Variants in FBXW8 observed in about 807,000 individuals in gnomAD.
FBXW8 encodes F-box and WD repeat domain containing 8.
A neutral mutation model predicts 65.3 loss-of-function variants in FBXW8; 57 were observed. That is an observed-to-expected ratio of 0.87 (90% CI 0.71 to 1.09). The LOEUF is 1.09. Among genes scored for constraint, FBXW8 ranks in the 50% least tolerant of loss-of-function variants. The pLI is 0.00. For missense variants in FBXW8, 777 were observed against 814.8 expected (o/e 0.95, Z 0.57); for synonymous variants, 308 against 330.2 (o/e 0.93, Z 0.73).
rs76328696 is a variant in FBXW8, at chr12:116,983,142, T to G, written c.836-2064T>G. On this transcript the variant is annotated intron_variant, in intron 5 of 10. Coordinates refer to ENST00000652555, the MANE Select transcript of FBXW8 (RefSeq NM_153348.3). ...TATGCAAATGGGAGTTTTTTTTCTC[T>G]TTACTGTTGTGATGTCTCAAAACAA... Among the ~76,000 whole-genome samples the G allele has an allele frequency of 3.9e-4, 59 of 152,294 alleles. 2 individuals are homozygous for G. The East Asian group carries it at 0.011, about 29-fold the overall frequency.
At chr12:116,930,967 C>G (rs977352728) in intron 2 of FBXW8, among the ~76,000 whole-genome samples, 1 of 152,130 alleles carries the variant, frequency 6.6e-6, no homozygotes, top group African/African-American at 2.4e-5. Flanking sequence ...GCCAACATGC[C>G]CAGCTAACTT....
intron 4 of FBXW8, among the ~76,000 whole-genome samples, chr12:116,956,863 G>T (rs1309314080): frequency 6.6e-6 from 1 of 152,094 alleles, no homozygotes; most frequent in Non-Finnish European, 1.5e-5. Flanking sequence ...AACTACTCGG[G>T]AGGCTGAGGC....
chr12:116,929,141 G>A (rs893698243), intron 2 of FBXW8, among the ~76,000 whole-genome samples: 7 of 151,916 alleles, frequency 4.6e-5, no homozygotes, highest in African/African-American at 1.7e-4. Context: ...GGGGATGCCA[G>A]TGTGGCTTTG....
chr12:117,027,369 C>T (rs376569151), intron 9 of FBXW8, 25 bp from the exon 10 acceptor site: 26 of 1,598,156 alleles, frequency 1.6e-5, no homozygotes, highest in East Asian at 6.7e-5. Context: ...CGCCCCCTTA[C>T]GAGCTCTCTC....
chr12:117,027,863 T>TA (rs1396536036), intron 10 of FBXW8, among the ~76,000 whole-genome samples, 165 bp from the exon 11 acceptor site: 5 of 152,252 alleles, frequency 3.3e-5, no homozygotes, highest in African/African-American at 1.2e-4. Context: ...CGTTGACCGC[T>TA]AAGCCGGGGA....
chr12:117,024,287 G>C lies in FBXW8; in HGVS notation c.1508G>C (p.Arg503Pro). 1 of 1,614,182 alleles carries C rather than the reference G, an allele frequency of 6.2e-7. No individual in the cohort carries two copies. The highest frequency in any genetic ancestry group is 8.5e-7 in the Non-Finnish European group (1 of 1,180,022). Residue 503 changes from arginine (R) to proline (P), a missense_variant, in exon 9 of 11, where the codon CGG becomes CCG. Physicochemically the swap from Arg to Pro is moderately radical, Grantham distance 103. Transcript: ENST00000652555. ...EEGLVSVWDY[R>P]MNQKLWEVYS... ...GGCCTGGTGTCCGTGTGGGATTATCGGATGAACCAGAAGCTGTGGGAGGTG... is the reference window on the plus strand; with the variant it reads ...GGCCTGGTGTCCGTGTGGGATTATCCGATGAACCAGAAGCTGTGGGAGGTG...
chr12:116,933,176 G>C (rs1250151162), intron 2 of FBXW8, among the ~76,000 whole-genome samples: 1 of 152,212 alleles, frequency 6.6e-6, no homozygotes, highest in Non-Finnish European at 1.5e-5. Context: ...CAAGAGTGTA[G>C]CTAAATGAGG....
intron 4 of FBXW8, among the ~76,000 whole-genome samples, chr12:116,955,255 C>T (rs549524683): frequency 3.3e-5 from 5 of 152,324 alleles, no homozygotes; most frequent in African/African-American, 7.2e-5. Context: ...TATGCAGCAG[C>T]GCAGAAAAGA....
At chr12:117,004,695 G>A (rs957307627) in intron 7 of FBXW8, among the ~76,000 whole-genome samples, 13 of 152,054 alleles carry the variant, frequency 8.5e-5, no homozygotes, top group African/African-American at 3.1e-4. Flanking sequence ...CATCTTGCTT[G>A]CTTTTTACTG....
chr12:116,945,486 A>C lies in FBXW8; in HGVS notation c.546A>C (p.Gln182His). 6.2e-7 allele frequency: 1 copy of C among 1,614,180 alleles called. No homozygotes were observed. Among genetic ancestry groups the C allele is most frequent in the Non-Finnish European group, 8.5e-7 (1 of 1,180,016 alleles). The change falls in exon 3 of 11, where the codon CAA becomes CAC. Residue 182 changes from glutamine (Q) to histidine (H), a missense_variant. Transcript: ENST00000652555. ...ATTCTTGCTGGAAGCTCATCTTCCAAGAGTGCCGAGCCAAGGAACACATGT... is the reference window on the plus strand; with the variant it reads ...ATTCTTGCTGGAAGCTCATCTTCCACGAGTGCCGAGCCAAGGAACACATGT... Reference protein sequence around the residue: ...SDYSCWKLIFQECRAKEHMLR... With the variant: ...SDYSCWKLIFHECRAKEHMLR...
At chr12:117,017,235 C>A (rs1041918777) in intron 8 of FBXW8, among the ~76,000 whole-genome samples, 41 of 152,180 alleles carry the variant, frequency 2.7e-4, no homozygotes, top group African/African-American at 8.9e-4. Context: ...TCATCTTTGT[C>A]CACTGAATGG....
chr12:117,014,103 C>T (rs749927160), intron 8 of FBXW8, among the ~76,000 whole-genome samples: 1 of 152,120 alleles, frequency 6.6e-6, no homozygotes, highest in African/African-American at 2.4e-5. Flanking sequence ...GCCACCAAAG[C>T]TCTGTTCATG....
In FBXW8 at chr12:116,988,714, G is replaced by T. The variant is rs759311689; in HGVS notation, c.1084G>T (p.Ala362Ser). ...PETRRYPVAV[A>S]AAGDLMYLLK... is the part of the protein sequence containing the mutation. ...AACCAGAAGGTACCCTGTGGCAGTA[G>T]CCGCTGCTGGAGATCTGATGTACCT... Residue 362 changes from alanine to serine, a missense_variant, in exon 7 of 11, where the codon GCC becomes TCC. By Grantham distance (99) the Ala-to-Ser change is moderately conservative. Transcript: ENST00000652555. 3 of 1,614,006 alleles carry T rather than the reference G, an allele frequency of 1.9e-6. No individual in the cohort carries two copies. In the African/African-American group the frequency reaches 4.0e-5, roughly 22 times the overall value.
At chr12:116,920,781 C>T (rs1343090661) in intron 1 of FBXW8, among the ~76,000 whole-genome samples, 1 of 152,054 alleles carries the variant, frequency 6.6e-6, no homozygotes, top group African/African-American at 2.4e-5. Context: ...ACCAACAGGC[C>T]CCCCAAATTC....
intron 1 of FBXW8, among the ~76,000 whole-genome samples, chr12:116,922,365 C>T (rs148270414): frequency 1.3e-3 from 199 of 152,142 alleles, no homozygotes; most frequent in Middle Eastern, 6.8e-3. Context: ...TTGAGATAAA[C>T]GCCTAAAGAA....
intron 8 of FBXW8, among the ~76,000 whole-genome samples, chr12:117,021,566 G>A (rs1954098277): frequency 6.6e-6 from 1 of 151,916 alleles, no homozygotes; most frequent in Non-Finnish European, 1.5e-5. Context: ...AGAGCTCCAA[G>A]TTGAGAAAAT....
intron 4 of FBXW8, among the ~76,000 whole-genome samples, chr12:116,964,327 G>A (rs931317120): frequency 2.6e-5 from 4 of 152,218 alleles, no homozygotes; most frequent in East Asian, 1.9e-4. Context: ...GAGTGTGTGC[G>A]TTTGTGGGTA....
chr12:116,933,277 G>T (rs1408284797), intron 2 of FBXW8, among the ~76,000 whole-genome samples: 1 of 152,202 alleles, frequency 6.6e-6, no homozygotes, highest in Admixed American at 6.5e-5. Context: ...AGCATTAGAT[G>T]ATAAAATCTT....
intron 8 of FBXW8, 27 bp from the exon 9 acceptor site, chr12:117,024,120 T>C (rs1213057031): frequency 6.2e-7 from 1 of 1,604,602 alleles, no homozygotes; most frequent in African/African-American, 1.3e-5. Flanking sequence ...CCCATTTCCC[T>C]TCTCTGCTCT....
Sources: gnomAD v4.1 joint callset for allele counts (sites outside exome capture counted in the v4.1 genomes callset) on GRCh38, gnomAD v4.1.1 for gene constraint, MANE v1.5 for transcripts, NCBI Gene and HGNC (gene_info 2026-07-23, HGNC 2026-07-21) for gene names.